Variants in AGPAT5 observed in about 807,000 individuals in gnomAD.
AGPAT5 encodes 1-acyl-sn-glycerol-3-phosphate acyltransferase epsilon.
A neutral mutation model predicts 45.6 loss-of-function variants in AGPAT5; 46 were observed. The ratio of observed to expected loss-of-function variants is 1.01; its 90% CI spans 0.80 to 1.29. The LOEUF (loss-of-function observed/expected upper bound fraction) is 1.29, where lower values mean the gene tolerates loss of function less well. Ranked by LOEUF, AGPAT5 falls within the 50% of genes most tolerant of loss-of-function variation. AGPAT5 has a pLI of 0.00. For missense variants in AGPAT5, 673 were observed against 450.7 expected (o/e 1.49, Z -4.47); for synonymous variants, 272 against 167.0 (o/e 1.63, Z -4.85).
At chr8:6,728,830 G>C (rs1364255673) in intron 2 of AGPAT5, among the ~76,000 whole-genome samples, 1 of 152,206 alleles carries the variant, frequency 6.6e-6, no homozygotes, top group Non-Finnish European at 1.5e-5. Context: ...TGACTAGAAA[G>C]AAATATGTTT....
In AGPAT5 at chr8:6,712,504, C is replaced by G. The variant is rs369485957; in HGVS notation, c.219+3617C>G. Among the ~76,000 whole-genome samples the G allele has an allele frequency of 2.6e-5, 4 of 152,176 alleles. No individual in the cohort carries two copies. In the East Asian group the frequency reaches 7.7e-4, roughly 29 times the overall value. ...TTTGTTTGCCACTTAAAAGCCCTAT[C>G]TATAGGATAGGAAGTAACTTGAATG... On this transcript the variant is annotated intron_variant, in intron 1 of 7. Coordinates refer to ENST00000285518, the MANE Select transcript of AGPAT5 (RefSeq NM_018361.5).
Position 6,710,666 on chromosome 8 carries a change from G to C in AGPAT5, c.219+1779G>C, listed in dbSNP as rs373755571. 5.9e-5 allele frequency among the ~76,000 whole-genome samples: 9 copies of C among 152,178 alleles called. No homozygotes were observed. The East Asian group carries it at 1.2e-3, about 20-fold the overall frequency. Reference sequence around the variant, plus strand: ...GAGCAGGGTATTTTGAATTTATTAGGGTCTTTTTCTGCAATCTGGGTTTCC... The same window carrying C: ...GAGCAGGGTATTTTGAATTTATTAGCGTCTTTTTCTGCAATCTGGGTTTCC... On this transcript the variant is annotated intron_variant, in intron 1 of 7. Transcript: ENST00000285518.
chr8:6,751,244 ATC>A (rs1801645795), intron 6 of AGPAT5, among the ~76,000 whole-genome samples: 5 of 152,324 alleles, frequency 3.3e-5, no homozygotes. Context: ...ATTAAATATT[ATC>A]TCTATATATA....
chr8:6,755,745 T>C (rs183700365), intron 7 of AGPAT5, among the ~76,000 whole-genome samples: 1 of 152,364 alleles, frequency 6.6e-6, no homozygotes, highest in East Asian at 1.9e-4. Context: ...CTATCATTGT[T>C]CTTCTTTTCC....
intron 4 of AGPAT5, among the ~76,000 whole-genome samples, chr8:6,737,348 A>T (rs928555379): frequency 6.6e-6 from 1 of 152,216 alleles, no homozygotes; most frequent in Non-Finnish European, 1.5e-5. Context: ...ATGGTAGAAT[A>T]TGTTAAGTCA....
At chr8:6,727,612 C>G (rs376350615) in intron 2 of AGPAT5, among the ~76,000 whole-genome samples, 1 of 152,178 alleles carries the variant, frequency 6.6e-6, no homozygotes, top group African/African-American at 2.4e-5. Flanking sequence ...AACTCCTGAC[C>G]TCAGGTGATC....
At chr8:6,727,000 G>C (rs1201260699) in intron 2 of AGPAT5, among the ~76,000 whole-genome samples, 1 of 152,202 alleles carries the variant, frequency 6.6e-6, no homozygotes, top group Non-Finnish European at 1.5e-5. Context: ...GGGTTTCAGA[G>C]ACCCCTAAAG....
intron 1 of AGPAT5, among the ~76,000 whole-genome samples, chr8:6,713,966 G>A (rs1209906075): frequency 6.6e-6 from 1 of 152,144 alleles, no homozygotes; most frequent in East Asian, 1.9e-4. Context: ...AACTCCTAAT[G>A]AGTTAAATTT....
At chr8:6,737,428 A>G (rs1264169298) in intron 4 of AGPAT5, among the ~76,000 whole-genome samples, 2 of 152,222 alleles carry the variant, frequency 1.3e-5, no homozygotes, top group Admixed American at 6.5e-5. Flanking sequence ...CGGTATTAGT[A>G]TTTAAGAAAT....
chr8:6,759,199 G>T lies in AGPAT5; in HGVS notation c.*1811G>T, dbSNP rs1801948941. The T allele has an allele frequency of 6.6e-6, 1 of 152,112 alleles. No homozygotes were observed. The highest frequency in any genetic ancestry group is 1.5e-5 in the Non-Finnish European group (1 of 68,016). 9.4% of individuals were successfully genotyped at this position (152,112 alleles called of 1,614,324 possible). A position where few individuals can be genotyped will look rare whatever the true frequency, so the allele number is the denominator to read the frequency against. ...CAATTCCATGTCTTTGTTAAGTACA[G>T]GGATTTAATATATTTTGAATATAAT... On this transcript the variant is annotated 3_prime_UTR_variant, in exon 8 of 8. Transcript: ENST00000285518.
rs1434442984 is a variant in AGPAT5, at chr8:6,759,891, CT to C, written c.*2505del. Among the ~76,000 whole-genome samples, 1 of 152,172 alleles carries C rather than the reference CT, an allele frequency of 6.6e-6. No individual in the cohort carries two copies. Among genetic ancestry groups the C allele is most frequent in the Non-Finnish European group, 1.5e-5 (1 of 68,036 alleles). On this transcript the variant is annotated 3_prime_UTR_variant, in exon 8 of 8. Transcript: ENST00000285518. Reference sequence around the variant, plus strand: ...AAGATGCATGGCCGATGTTAATTTGCTTGGCAATTCTGTAATCATTAAGTGA... The same window carrying C: ...AAGATGCATGGCCGATGTTAATTTGCTGGCAATTCTGTAATCATTAAGTGA...
Position 6,735,662 on chromosome 8 carries a change from GTCATGAA to G in AGPAT5, c.495+3015_495+3021del, listed in dbSNP as rs756907481. Among the ~76,000 whole-genome samples the G allele has an allele frequency of 1.7e-4, 25 of 145,962 alleles. No individual in the cohort carries two copies. In the East Asian group the frequency reaches 2.5e-3, roughly 14 times the overall value. On this transcript the variant is annotated intron_variant, in intron 4 of 7. Transcript: ENST00000285518. ...CAGCTCTCTGAAGGGTCTAAGAAAA[GTCATGAA>G]TCTACAGCTTGTCAGTGTTGTTGTT...
rs1245196289 is a variant in AGPAT5 at position 6,761,227 on chromosome 8, T to A, written c.*3839T>A. Among the ~76,000 whole-genome samples, 1 of 152,234 alleles carries A rather than the reference T, an allele frequency of 6.6e-6. No individual in the cohort carries two copies. Among genetic ancestry groups the A allele is most frequent in the African/African-American group, 2.4e-5 (1 of 41,456 alleles). On this transcript the variant is annotated 3_prime_UTR_variant, in exon 8 of 8. Coordinates refer to ENST00000285518, the MANE Select transcript of AGPAT5 (RefSeq NM_018361.5). ...TGGAACAAACTCTCAACAAAATGTT[T>A]ATTGATGTTGATGAAACAGATCAGT...
intron 6 of AGPAT5, among the ~76,000 whole-genome samples, chr8:6,753,788 T>G (rs1299384392): frequency 6.6e-6 from 1 of 152,242 alleles, no homozygotes; most frequent in Non-Finnish European, 1.5e-5. Flanking sequence ...AATCTTTATT[T>G]TAGTGTTTTG....
At chr8:6,730,160 G>A (rs1009759346) in intron 2 of AGPAT5, among the ~76,000 whole-genome samples, 2 of 151,482 alleles carry the variant, frequency 1.3e-5, no homozygotes, top group Non-Finnish European at 2.9e-5. Flanking sequence ...TACACATGCT[G>A]CTGTTGGATT....
At chr8:6,738,286 T>G (rs999361797) in intron 4 of AGPAT5, 1 of 152,196 alleles carries the variant, frequency 6.6e-6, no homozygotes, top group Non-Finnish European at 1.5e-5. Flanking sequence ...GGGTTATTAA[T>G]TGGCCTAATT....
intron 6 of AGPAT5, 75 bp from the exon 7 acceptor site, chr8:6,754,976 T>A: frequency 3.2e-6 from 4 of 1,261,510 alleles, no homozygotes; most frequent in South Asian, 3.6e-5. Flanking sequence ...CCTGTTACCT[T>A]ATTTTCATTT....
intron 3 of AGPAT5, among the ~76,000 whole-genome samples, chr8:6,731,883 T>C (rs1346375310): frequency 1.3e-5 from 2 of 152,262 alleles, no homozygotes; most frequent in Non-Finnish European, 2.9e-5. Flanking sequence ...TCCTTCTTCC[T>C]GTGTCCTCAG....
At chr8:6,721,095 A>G (rs1800480752) in intron 1 of AGPAT5, among the ~76,000 whole-genome samples, 1 of 152,238 alleles carries the variant, frequency 6.6e-6, no homozygotes. Flanking sequence ...TTATTGGGCA[A>G]GTAGCTGTTT....
Sources: allele counts gnomAD v4.1 joint callset (sites outside exome capture counted in the v4.1 genomes callset), GRCh38; gene constraint gnomAD v4.1.1; transcripts MANE v1.5; gene names NCBI Gene and HGNC (gene_info 2026-07-23, HGNC 2026-07-21).